The following LAMA3 variants were observed in gnomAD, a reference collection of about 807,000 sequenced individuals.
The protein encoded by LAMA3 is laminin subunit alpha-3.
Under a neutral mutation model 402.0 loss-of-function variants are expected in LAMA3, and 281 were observed. That is an observed-to-expected ratio of 0.70 (90% CI 0.63 to 0.77). The LOEUF (loss-of-function observed/expected upper bound fraction) is 0.77, where lower values mean the gene tolerates loss of function less well. LAMA3 is among the 30% of genes least tolerant of loss of function. The probability of loss-of-function intolerance (pLI) is 0.00; values close to 1 mark genes in which losing one functional copy is unlikely to be tolerated. For synonymous variants in LAMA3, 1,431 were observed against 1,558.4 expected (o/e 0.92, Z 1.93); for missense variants, 3,840 against 4,215.5 (o/e 0.91, Z 2.47).
At chr18:23,731,802 T>C (rs1369622875) in intron 2 of LAMA3, among the ~76,000 whole-genome samples, 1 of 152,140 alleles carries the variant, frequency 6.6e-6, no homozygotes, top group East Asian at 1.9e-4. Context: ...GGGAAACTAC[T>C]GGGTACCATG....
intron 70 of LAMA3, among the ~76,000 whole-genome samples, chr18:23,949,234 C>A (rs2082819798): frequency 6.6e-6 from 1 of 152,208 alleles, no homozygotes; most frequent in African/African-American, 2.4e-5. Context: ...CTGAGCCCAA[C>A]AATGTAGGCA....
Position 23,918,161 on chromosome 18 carries a change from T to A in LAMA3, c.7923+1466T>A, listed in dbSNP as rs1360747189. Among the ~76,000 whole-genome samples the A allele has an allele frequency of 6.6e-6, 1 of 152,178 alleles. No individual in the cohort carries two copies. The highest frequency in any genetic ancestry group is 1.5e-5 in the Non-Finnish European group (1 of 68,036). ...ATTGAATAGGGAGTCCTTTCCCCAT[T>A]GCTTGTTTTTGTTGACTTTGTCGAA... On this transcript the variant is annotated intron_variant, in intron 60 of 74. Coordinates refer to ENST00000313654, the MANE Select transcript of LAMA3 (RefSeq NM_198129.4). This position sits in a 1 kb window ranked among gnomAD's most constrained non-coding sequence, Gnocchi z 4.1.
rs1020491109 is a variant in LAMA3 at position 23,872,038 on chromosome 18, G to T, written c.4998+377G>T. Among the ~76,000 whole-genome samples, 4 of 152,176 alleles carry T rather than the reference G, an allele frequency of 2.6e-5. No homozygotes were observed. The East Asian group carries it at 5.8e-4, about 22-fold the overall frequency. ...TTACCTTATCTGATCACTAAACGTTGTATGTGTCACAACATCACTATGGAC... is the reference window on the plus strand; with the variant it reads ...TTACCTTATCTGATCACTAAACGTTTTATGTGTCACAACATCACTATGGAC... On this transcript the variant is annotated intron_variant, in intron 38 of 74. Coordinates refer to ENST00000313654, the MANE Select transcript of LAMA3 (RefSeq NM_198129.4).
chr18:23,862,942 T>G (rs2064258937), intron 35 of LAMA3, among the ~76,000 whole-genome samples: 1 of 149,580 alleles, frequency 6.7e-6, no homozygotes, highest in Admixed American at 6.7e-5. Flanking sequence ...CTGAGGGTCC[T>G]CATGACATGA....
chr18:23,919,153 A>T (rs1170469684), intron 60 of LAMA3, among the ~76,000 whole-genome samples: 1 of 152,202 alleles, frequency 6.6e-6, no homozygotes, highest in African/African-American at 2.4e-5. Flanking sequence ...GACTCTCAGT[A>T]AATTGGTGTA....
intron 12 of LAMA3, among the ~76,000 whole-genome samples, chr18:23,801,932 T>C (rs1255292882): frequency 2.0e-5 from 3 of 152,342 alleles, no homozygotes; most frequent in Non-Finnish European, 4.4e-5. Flanking sequence ...ATTTTTGTTT[T>C]ACATACATAT....
chr18:23,838,994 T>C (rs1011685631), intron 26 of LAMA3, 116 bp downstream of exon 26: 6 of 739,414 alleles, frequency 8.1e-6, no homozygotes, highest in Non-Finnish European at 1.2e-5. Flanking sequence ...TGCTAAAGTC[T>C]GGTGGTGGAT....
chr18:23,931,211 A>C lies in LAMA3; in HGVS notation c.8576+10A>C. 6.2e-7 allele frequency: 1 copy of C among 1,607,650 alleles called. No homozygotes were observed. The highest frequency in any genetic ancestry group is 8.5e-7 in the Non-Finnish European group (1 of 1,174,052). The stretch of plus-strand genomic sequence containing the variant: ...TAAGCGACAACTCTGGGTGAGTGGA[A>C]TAATACTTCTGTCAGAGCTGTGAGT... On this transcript the variant is annotated intron_variant, in intron 65 of 74. Coordinates refer to ENST00000313654, the MANE Select transcript of LAMA3 (RefSeq NM_198129.4).
Position 23,943,987 on chromosome 18 carries a change from G to A in LAMA3, c.9210+16G>A, listed in dbSNP as rs758470194. On this transcript the variant is annotated intron_variant, in intron 69 of 74. Transcript: ENST00000313654. Reference sequence around the variant, plus strand: ...ATGGCACACGGTAAGAGCTGGGGCTGTGTCAGTATCTCCAGTTGGTGTGGA... The same window carrying A: ...ATGGCACACGGTAAGAGCTGGGGCTATGTCAGTATCTCCAGTTGGTGTGGA... 4 of 1,611,560 alleles carry A rather than the reference G, an allele frequency of 2.5e-6. No homozygotes were observed. The highest frequency in any genetic ancestry group is 1.7e-6 in the Non-Finnish European group (2 of 1,178,388).
chr18:23,853,139 A>G (rs137969668), intron 32 of LAMA3, among the ~76,000 whole-genome samples: 1 of 152,154 alleles, frequency 6.6e-6, no homozygotes, highest in South Asian at 2.1e-4. Flanking sequence ...CATGTCCCCT[A>G]ACAAAGGAAT....
chr18:23,772,428 T>G (rs764388130), intron 8 of LAMA3, among the ~76,000 whole-genome samples: 37 of 152,194 alleles, frequency 2.4e-4, no homozygotes, highest in Middle Eastern at 3.2e-3. Flanking sequence ...GTCCTCTGTC[T>G]ATGGTAAGAA....
At chr18:23,927,756 A>G (rs1398258113) in intron 62 of LAMA3, among the ~76,000 whole-genome samples, 1 of 152,264 alleles carries the variant, frequency 6.6e-6, no homozygotes, top group African/African-American at 2.4e-5. Context: ...TATATCATAT[A>G]TCATCTATTA....
At position 23,751,008 on chromosome 18, in the gene LAMA3, C is replaced by T. The variant is rs374003430; in HGVS notation, c.775C>T (p.Arg259Cys). ...GGAGTTTACCAAGGCAACAAACATC[C>T]GCTTGCGTTTTCTTAGAACCAATAC... ...LREFTKATNIRLRFLRTNTLL... is the reference protein window; with the variant it reads ...LREFTKATNICLRFLRTNTLL... The change falls in exon 5 of 75, where the codon CGC (arginine) becomes TGC (cysteine). Residue 259 changes from arginine (R) to cysteine (C), a missense_variant. Arg to Cys is a radical substitution (Grantham distance 180). Transcript: ENST00000313654. 9.9e-6 allele frequency: 16 copies of T among 1,613,954 alleles called. No homozygotes were observed. Among genetic ancestry groups the T allele is most frequent in the East Asian group, 2.2e-5 (1 of 44,894 alleles).
At chr18:23,749,298 T>G in intron 3 of LAMA3, 130 bp from the exon 4 acceptor site, 1 of 627,800 alleles carries the variant, frequency 1.6e-6, no homozygotes, top group South Asian at 2.1e-5. Flanking sequence ...AGCCTTTCTC[T>G]AAAAGTTTTA....
At chr18:23,759,031 A>G (rs1347968019) in intron 7 of LAMA3, among the ~76,000 whole-genome samples, 3 of 152,028 alleles carry the variant, frequency 2.0e-5, no homozygotes, top group Admixed American at 6.6e-5. Context: ...GTGTAACATA[A>G]AGTAAGAAAA....
chr18:23,779,907 T>G (rs1675271046), intron 11 of LAMA3, among the ~76,000 whole-genome samples: 1 of 152,126 alleles, frequency 6.6e-6, no homozygotes. Flanking sequence ...CATGGTGCTG[T>G]GCATTATTGC....
chr18:23,803,679 C>A (rs570337587), intron 12 of LAMA3, among the ~76,000 whole-genome samples: 1 of 152,304 alleles, frequency 6.6e-6, no homozygotes, highest in South Asian at 2.1e-4. Context: ...GCAAAGTGAA[C>A]AACCAGCACA....
chr18:23,909,266 A>G lies in LAMA3; in HGVS notation c.7129A>G (p.Ile2377Val), dbSNP rs1419296098. ...CAACATGGACAGAATACGAGAACTA[A>G]TTCAGCAGGCCAGAGATGCTGCCAG... is the stretch of plus-strand genomic sequence containing the variant. ...SDNMDRIREL[I>V]QQARDAASKV... The change falls in exon 55 of 75, where the codon ATT becomes GTT. Residue 2377 changes from isoleucine to valine, a missense_variant. By Grantham distance (29) the Ile-to-Val change is conservative. This residue lies in a region of LAMA3 where 891 missense variants were observed against 857.5 expected (regional missense o/e 1.04). Coordinates refer to ENST00000313654, the MANE Select transcript of LAMA3 (RefSeq NM_198129.4). 1.2e-6 allele frequency: 2 copies of G among 1,613,216 alleles called. No individual in the cohort carries two copies. Among genetic ancestry groups the G allele is most frequent in the Admixed American group, 1.7e-5 (1 of 60,018 alleles).
chr18:23,815,107 T>C, intron 15 of LAMA3, 81 bp from the exon 16 acceptor site: 1 of 1,235,572 alleles, frequency 8.1e-7, no homozygotes, highest in Non-Finnish European at 1.2e-6. Flanking sequence ...ACACGTTGTG[T>C]TGCAGCTGTG....
Sources: allele counts gnomAD v4.1 joint callset (sites outside exome capture counted in the v4.1 genomes callset), GRCh38; gene constraint gnomAD v4.1.1; regional missense constraint gnomAD v4.1.1; non-coding constraint Gnocchi (gnomAD v3.1); transcripts MANE v1.5; gene names NCBI Gene and HGNC (gene_info 2026-07-23, HGNC 2026-07-21).